Variants in VPS13B observed in about 807,000 individuals in gnomAD.
VPS13B encodes the protein vacuolar protein sorting 13 homolog B.
In VPS13B, 285 loss-of-function variants were observed where a neutral mutation model predicts 426.4. That is an observed-to-expected ratio of 0.67 (90% confidence interval 0.61 to 0.74). VPS13B has a LOEUF of 0.74. Among genes scored for constraint, VPS13B ranks in the 30% least tolerant of loss-of-function variants. The pLI is 0.00. For synonymous variants in VPS13B, 1,676 were observed against 1,676.4 expected (o/e 1.00, Z 0.01); for missense variants, 4,537 against 4,782.6 (o/e 0.95, Z 1.51).
intron 55 of VPS13B, among the ~76,000 whole-genome samples, chr8:99,851,938 G>A (rs1816315204): frequency 6.6e-6 from 1 of 151,994 alleles, no homozygotes; most frequent in Non-Finnish European, 1.5e-5. Flanking sequence ...AAGCAAGCAG[G>A]GAGACTAGTT....
chr8:99,279,723 A>G (rs1478433751), intron 19 of VPS13B, among the ~76,000 whole-genome samples: 2 of 152,168 alleles, frequency 1.3e-5, no homozygotes, highest in Non-Finnish European at 2.9e-5. Flanking sequence ...TAAAATGACC[A>G]TGAATTCTAT....
chr8:99,028,643 G>A (rs1315125741), intron 2 of VPS13B, among the ~76,000 whole-genome samples: 1 of 125,980 alleles, frequency 7.9e-6, no homozygotes, highest in African/African-American at 3.0e-5. Flanking sequence ...CCTCCCTCCC[G>A]GACGGGGTGG....
rs769062076 is a variant in VPS13B at position 99,121,223 on chromosome 8, T to A, written c.984T>A (p.His328Gln). 6 of 1,613,968 alleles carry A rather than the reference T, an allele frequency of 3.7e-6. No homozygotes were observed. In the Admixed American group the frequency reaches 1.0e-4, roughly 27 times the overall value. The change falls in exon 8 of 62, where the codon CAT becomes CAA. Residue 328 changes from histidine (H) to glutamine (Q), a missense_variant. His to Gln is a conservative substitution (Grantham distance 24, BLOSUM62 0). This residue lies in a region of VPS13B where 4,311 missense variants were observed against 4,474.3 expected (regional missense o/e 0.96). Coordinates refer to ENST00000357162, the MANE Select transcript of VPS13B (RefSeq NM_152564.5). ...TRIDMQYPAQHKGQELYSQQD... is the reference protein window; with the variant it reads ...TRIDMQYPAQQKGQELYSQQD... ...TAGATATGCAATATCCTGCTCAGCA[T>A]AAAGGTCAAGAGTTATATTCACAGC...
intron 45 of VPS13B, among the ~76,000 whole-genome samples, chr8:99,818,117 T>C (rs945960978): frequency 5.3e-5 from 8 of 152,188 alleles, no homozygotes; most frequent in East Asian, 1.9e-4. Flanking sequence ...TAAGGATCTT[T>C]ATGATGGTCT....
Position 99,520,888 on chromosome 8 carries a change from T to C in VPS13B, c.4634-11T>C. ...CACAGTGTATTCATGAATCTCCTTC[T>C]TTTGTTACAGCTAATCAGGCAGCAA... On this transcript the variant is annotated splice_polypyrimidine_tract_variant and intron_variant, in intron 29 of 61. Transcript: ENST00000357162. The C allele has an allele frequency of 6.2e-7, 1 of 1,612,442 alleles. No individual in the cohort carries two copies. The highest frequency in any genetic ancestry group is 8.5e-7 in the Non-Finnish European group (1 of 1,178,574).
intron 51 of VPS13B, among the ~76,000 whole-genome samples, chr8:99,832,083 G>A (rs1012156249): frequency 1.3e-5 from 2 of 151,954 alleles, no homozygotes; most frequent in Non-Finnish European, 2.9e-5. Context: ...CCAACATAGC[G>A]AAACCCCATC....
chr8:99,741,971 G>A (rs937324458), intron 39 of VPS13B, among the ~76,000 whole-genome samples: 11 of 152,066 alleles, frequency 7.2e-5, no homozygotes, highest in Admixed American at 3.9e-4. Context: ...AAATAACTAA[G>A]ATCAGAGCAG....
At chr8:99,740,225 G>C (rs1809629476) in intron 39 of VPS13B, among the ~76,000 whole-genome samples, 1 of 152,150 alleles carries the variant, frequency 6.6e-6, no homozygotes, top group Non-Finnish European at 1.5e-5. Context: ...GGGTATCAGT[G>C]ATGGAAGATC....
chr8:99,791,065 G>A (rs1214734330), intron 43 of VPS13B, among the ~76,000 whole-genome samples: 1 of 152,174 alleles, frequency 6.6e-6, no homozygotes, highest in Non-Finnish European at 1.5e-5. Flanking sequence ...GTAAGTATAG[G>A]TTGGCCCAGC....
intron 33 of VPS13B, among the ~76,000 whole-genome samples, chr8:99,640,007 T>TAAGAAG (rs1212185455): frequency 4.9e-4 from 37 of 76,240 alleles, no homozygotes; most frequent in Admixed American, 9.0e-4. Flanking sequence ...ATAATAATAA[T>TAAGAAG]AATAATAATA....
Position 99,853,848 on chromosome 8 carries a change from G to A in VPS13B, c.10459G>A (p.Gly3487Ser), listed in dbSNP as rs780327800. Residue 3487 changes from glycine (G) to serine (S), a missense_variant, in exon 56 of 62, where the codon GGC becomes AGC. By Grantham distance (56) the Gly-to-Ser change is moderately conservative. Around this residue, in one of 2 missense-constraint regions of VPS13B, gnomAD observed 4,311 missense variants for 4,474.3 expected, o/e 0.96. Coordinates refer to ENST00000357162, the MANE Select transcript of VPS13B (RefSeq NM_152564.5). ...FIKLCITLNE[G>S]KSILCDINEF... ...CAAACTTTGCATCACCTTAAATGAAGGCAAGAGCATCCTCTGTGATATTAA... is the reference window on the plus strand; with the variant it reads ...CAAACTTTGCATCACCTTAAATGAAAGCAAGAGCATCCTCTGTGATATTAA... 1 of 1,614,210 alleles carries A rather than the reference G, an allele frequency of 6.2e-7. No homozygotes were observed. Among genetic ancestry groups the A allele is most frequent in the Admixed American group, 1.7e-5 (1 of 60,024 alleles).
chr8:99,309,984 G>T (rs1390378667), intron 19 of VPS13B, among the ~76,000 whole-genome samples: 1 of 152,136 alleles, frequency 6.6e-6, no homozygotes, highest in Non-Finnish European at 1.5e-5. Context: ...CTCTCTGTTT[G>T]TCTGTTATTG....
intron 23 of VPS13B, among the ~76,000 whole-genome samples, chr8:99,457,249 C>T (rs930121547): frequency 1.6e-4 from 25 of 152,042 alleles, no homozygotes; most frequent in African/African-American, 6.0e-4. Flanking sequence ...CCAGGCTGGT[C>T]TTGAACTCCT....
Position 99,478,667 on chromosome 8 carries a change from T to A in VPS13B, c.3667-2932T>A, listed in dbSNP as rs987942641. ...TTTCACCATGTTGGCCAGGCTGGTG[T>A]TGAACTCCTGACCTCAGGTGATCCG... On this transcript the variant is annotated intron_variant, in intron 24 of 61. Coordinates refer to ENST00000357162, the MANE Select transcript of VPS13B (RefSeq NM_152564.5). Among the ~76,000 whole-genome samples, 5 of 152,006 alleles carry A rather than the reference T, an allele frequency of 3.3e-5. No individual in the cohort carries two copies. The East Asian group carries it at 9.7e-4, about 29-fold the overall frequency.
intron 24 of VPS13B, among the ~76,000 whole-genome samples, chr8:99,470,240 G>A (rs1360013970): frequency 6.6e-6 from 1 of 152,078 alleles, no homozygotes; most frequent in Non-Finnish European, 1.5e-5. Context: ...AGCTCCCTCA[G>A]CCTATCTTTC....
intron 3 of VPS13B, among the ~76,000 whole-genome samples, chr8:99,042,795 GA>G (rs1843031572): frequency 6.6e-6 from 1 of 152,004 alleles, no homozygotes; most frequent in Non-Finnish European, 1.5e-5. Context: ...GTATTAATAA[GA>G]AAAAAATTTT....
chr8:99,607,606 T>C (rs1341158918), intron 33 of VPS13B, among the ~76,000 whole-genome samples: 6 of 152,186 alleles, frequency 3.9e-5, no homozygotes, highest in Admixed American at 2.0e-4. Context: ...ACAATTTGTA[T>C]TATCGATTTT....
chr8:99,316,968 T>C (rs1809700094), intron 19 of VPS13B, among the ~76,000 whole-genome samples: 1 of 152,232 alleles, frequency 6.6e-6, no homozygotes, highest in Non-Finnish European at 1.5e-5. Flanking sequence ...CTTGATATTA[T>C]GAAATACAGA....
chr8:99,165,897 A>G (rs1219582823), intron 15 of VPS13B, among the ~76,000 whole-genome samples: 3 of 152,220 alleles, frequency 2.0e-5, no homozygotes, highest in African/African-American at 7.2e-5. Flanking sequence ...AGAGAGAACA[A>G]ATTTTACAAA....
Sources: gnomAD v4.1 joint callset for allele counts (sites outside exome capture counted in the v4.1 genomes callset) on GRCh38, gnomAD v4.1.1 for gene constraint, gnomAD v4.1.1 regional missense constraint, MANE v1.5 for transcripts, NCBI Gene and HGNC (gene_info 2026-07-23, HGNC 2026-07-21) for gene names.